Variants in PCDHA7 observed in about 807,000 individuals in gnomAD.
PCDHA7 encodes protocadherin alpha-7.
In PCDHA7, 37 loss-of-function variants were observed where a neutral mutation model predicts 57.2. The observed-to-expected ratio is 0.65, with a 90% confidence interval of 0.50 to 0.85. PCDHA7 has a LOEUF of 0.85. Ranked by LOEUF, PCDHA7 falls within the 40% of genes least tolerant of loss-of-function variation. The probability of loss-of-function intolerance (pLI) is 0.00; values close to 1 mark genes in which losing one functional copy is unlikely to be tolerated. For synonymous variants in PCDHA7, 553 were observed against 558.8 expected, an observed-to-expected ratio of 0.99 and a Z score of 0.15; for missense variants, 1,188 against 1,241.8, an observed-to-expected ratio of 0.96 and a Z score of 0.65.
chr5:140,985,955 G>A (rs1284756138), intron 3 of PCDHA7, among the ~76,000 whole-genome samples: 1 of 151,674 alleles, frequency 6.6e-6, no homozygotes, highest in Non-Finnish European at 1.5e-5. Flanking sequence ...TAGCCAGGAT[G>A]GTCTCAATCT....
intron 1 of PCDHA7, chr5:140,927,406 G>A (rs782729912): frequency 1.2e-6 from 2 of 1,614,210 alleles, no homozygotes; most frequent in Admixed American, 1.7e-5. Flanking sequence ...CTTTCGCCTG[G>A]ACATGGGATC....
chr5:140,866,238 A>G (rs1317266389), intron 1 of PCDHA7: 2 of 152,166 alleles, frequency 1.3e-5, no homozygotes, highest in Admixed American at 1.3e-4. Context: ...ACTATATACC[A>G]AAAATGACAC....
At chr5:140,842,693 C>A in intron 1 of PCDHA7, 1 of 1,595,288 alleles carries the variant, frequency 6.3e-7, no homozygotes. Context: ...GTTCGCGCAG[C>A]CCGAGTACAC....
At chr5:140,855,534 G>C (rs2043511154) in intron 1 of PCDHA7, among the ~76,000 whole-genome samples, 1 of 149,850 alleles carries the variant, frequency 6.7e-6, no homozygotes, top group Non-Finnish European at 1.5e-5. Context: ...AGAGAAGTAA[G>C]TTAAGTGTCA....
At chr5:140,850,674 C>T in intron 1 of PCDHA7, 1 of 1,598,338 alleles carries the variant, frequency 6.3e-7, no homozygotes, top group Non-Finnish European at 8.6e-7. Context: ...CTCGGCGATG[C>T]CCACCGAGGG....
At chr5:140,871,308 G>A (rs1554165414) in intron 1 of PCDHA7, 2 of 1,613,998 alleles carry the variant, frequency 1.2e-6, no homozygotes, top group Admixed American at 1.7e-5. Flanking sequence ...CGCCGGGGAA[G>A]CCCACGCTGG....
At chr5:140,983,104 T>C (rs907787884) in intron 3 of PCDHA7, among the ~76,000 whole-genome samples, 3 of 152,234 alleles carry the variant, frequency 2.0e-5, no homozygotes, top group Admixed American at 1.3e-4. Flanking sequence ...TGCTTCTCTC[T>C]GCACATCAAC....
At chr5:140,990,341 C>A (rs2097389083) in intron 3 of PCDHA7, among the ~76,000 whole-genome samples, 1 of 152,110 alleles carries the variant, frequency 6.6e-6, no homozygotes, top group South Asian at 2.1e-4. Flanking sequence ...ATAAGTAAAG[C>A]CTGCCCTGTA....
chr5:140,987,266 C>T (rs2097244603), intron 3 of PCDHA7, among the ~76,000 whole-genome samples: 1 of 151,752 alleles, frequency 6.6e-6, no homozygotes, highest in African/African-American at 2.4e-5. Context: ...AGGAATGGGA[C>T]CCGGCAGTCT....
chr5:140,969,557 A>G, intron 1 of PCDHA7: 2 of 1,212,410 alleles, frequency 1.6e-6, no homozygotes, highest in South Asian at 3.3e-5. Context: ...AGCCTTGTCC[A>G]TAAAATTGTT....
At chr5:140,962,719 T>G (rs928199903) in intron 1 of PCDHA7, among the ~76,000 whole-genome samples, 1 of 152,224 alleles carries the variant, frequency 6.6e-6, no homozygotes, top group Non-Finnish European at 1.5e-5. Flanking sequence ...TTGGAAAGTA[T>G]TTTCCTTCTG....
Position 140,870,112 on chromosome 5 carries a change from G to T in PCDHA7, c.2355+33374G>T, listed in dbSNP as rs781902121. ...AATGGCAGGTCACTGTACAGTCTGG[G>T]TGGAAATCTTGGACACCAACGATAA... On this transcript the variant is annotated intron_variant, in intron 1 of 3. Transcript: ENST00000525929. 2 of 1,613,938 alleles carry T rather than the reference G, an allele frequency of 1.2e-6. No homozygotes were observed. The highest frequency in any genetic ancestry group is 2.2e-5 in the South Asian group (2 of 91,080).
chr5:140,875,305 C>T, intron 1 of PCDHA7: 1 of 1,420,254 alleles, frequency 7.0e-7, no homozygotes, highest in South Asian at 1.6e-5. Context: ...TTTCTCCGCA[C>T]CCACATTCCA....
intron 1 of PCDHA7, chr5:140,926,922 T>A: frequency 6.4e-7 from 1 of 1,570,576 alleles, no homozygotes; most frequent in Non-Finnish European, 8.7e-7. Flanking sequence ...CAGTTTTATG[T>A]TTGTGGGTTT....
intron 1 of PCDHA7, among the ~76,000 whole-genome samples, chr5:140,940,086 A>C (rs373629874): frequency 6.6e-6 from 1 of 152,214 alleles, no homozygotes; most frequent in Non-Finnish European, 1.5e-5. Flanking sequence ...TTTCTGCTAA[A>C]TTGAAACTTT....
rs186179297 is a variant in PCDHA7, at chr5:140,987,139, G to A, written c.2503+4576G>A. Among the ~76,000 whole-genome samples the A allele has an allele frequency of 5.1e-4, 78 of 151,932 alleles. 3 individuals are homozygous for A. The East Asian group carries it at 0.014, about 28-fold the overall frequency. On this transcript the variant is annotated intron_variant, in intron 3 of 3. Transcript: ENST00000525929. The stretch of plus-strand genomic sequence containing the variant: ...TGAGGCAGGAGAATTGCTTGAACTC[G>A]GGAGGTGGAGGTTGCAGTGAGCTGA...
intron 1 of PCDHA7, among the ~76,000 whole-genome samples, chr5:140,976,828 C>G (rs935294640): frequency 6.6e-6 from 1 of 152,262 alleles, no homozygotes; most frequent in Admixed American, 6.5e-5. Flanking sequence ...GTCTAATGAG[C>G]AAAACAGATA....
chr5:140,887,120 G>A (rs2061314160), intron 1 of PCDHA7, among the ~76,000 whole-genome samples: 1 of 148,878 alleles, frequency 6.7e-6, no homozygotes, highest in African/African-American at 2.5e-5. Context: ...TTTTTGAGAC[G>A]GAGTCTCACT....
At chr5:140,876,424 A>G in intron 1 of PCDHA7, 1 of 1,613,970 alleles carries the variant, frequency 6.2e-7, no homozygotes. Context: ...TGCCTATGAA[A>G]TTCAGGTTAA....
Sources: gnomAD v4.1 joint callset for allele counts (sites outside exome capture counted in the v4.1 genomes callset) on GRCh38, gnomAD v4.1.1 for gene constraint, MANE v1.5 for transcripts, NCBI Gene and HGNC (gene_info 2026-07-23, HGNC 2026-07-21) for gene names.